CORIN: variants seen among roughly 807,000 people sequenced by gnomAD.
CORIN encodes the protein corin, serine peptidase.
Under a neutral mutation model 125.3 loss-of-function variants are expected in CORIN, and 117 were observed. That is an observed-to-expected ratio of 0.93 (90% CI 0.80 to 1.09). The LOEUF is 1.09. Ranked by LOEUF, CORIN falls within the 50% of genes least tolerant of loss-of-function variation. The pLI is 0.00. For missense variants in CORIN, 1,253 were observed against 1,306.7 expected, an observed-to-expected ratio of 0.96 and a Z score of 0.63; for synonymous variants, 450 against 466.4, an observed-to-expected ratio of 0.96 and a Z score of 0.45.
chr4:47,771,357 G>T (rs1191613497), intron 3 of CORIN, among the ~76,000 whole-genome samples: 1 of 152,160 alleles, frequency 6.6e-6, no homozygotes, highest in Non-Finnish European at 1.5e-5. Context: ...CGTGTACTTA[G>T]GAAGATCTGT....
chr4:47,629,438 C>A lies in CORIN; in HGVS notation c.2199-2917G>T, dbSNP rs1404908541. On this transcript the variant is annotated intron_variant, in intron 16 of 21. Coordinates refer to ENST00000273857, the MANE Select transcript of CORIN (RefSeq NM_006587.4). Reference sequence around the variant, plus strand: ...TTTAGTTCCTTATGTATTTTGGATACTAACCTCATTGGATATATGGTTTTT... The same window carrying A: ...TTTAGTTCCTTATGTATTTTGGATAATAACCTCATTGGATATATGGTTTTT... 2.0e-5 allele frequency among the ~76,000 whole-genome samples: 3 copies of A among 152,072 alleles called. No individual in the cohort carries two copies. The East Asian group carries it at 5.8e-4, about 29-fold the overall frequency.
chr4:47,622,210 T>C (rs1259752775), intron 19 of CORIN, among the ~76,000 whole-genome samples: 1 of 152,108 alleles, frequency 6.6e-6, no homozygotes, highest in Non-Finnish European at 1.5e-5. Flanking sequence ...TAGTATTCTA[T>C]GGTGTGTATG....
At position 47,825,857 on chromosome 4, in the gene CORIN, C is replaced by G. The variant is rs895957521; in HGVS notation, c.63+12030G>C. On this transcript the variant is annotated intron_variant, in intron 1 of 21. Coordinates refer to ENST00000273857, the MANE Select transcript of CORIN (RefSeq NM_006587.4). ...CTTACTAGATTACAGGTGCCCACCA[C>G]CATGTCTGGTCAATTTTTGTATTTT... 2.6e-5 allele frequency among the ~76,000 whole-genome samples: 4 copies of G among 152,014 alleles called. No individual in the cohort carries two copies. The South Asian group carries it at 6.3e-4, about 24-fold the overall frequency.
intron 1 of CORIN, among the ~76,000 whole-genome samples, chr4:47,822,485 T>A (rs568209001): frequency 6.6e-6 from 1 of 152,240 alleles, no homozygotes; most frequent in Admixed American, 6.5e-5. Context: ...TAATTTAGAA[T>A]CACAATTACA....
Position 47,674,504 on chromosome 4 carries a change from C to A in CORIN, c.1250-4G>T, listed in dbSNP as rs1159859171. 1.3e-6 allele frequency: 2 copies of A among 1,586,852 alleles called. No homozygotes were observed. The highest frequency in any genetic ancestry group is 3.3e-5 in the Admixed American group (2 of 59,982). On this transcript the variant is annotated splice_polypyrimidine_tract_variant and splice_region_variant and intron_variant, in intron 9 of 21. Coordinates refer to ENST00000273857, the MANE Select transcript of CORIN (RefSeq NM_006587.4). ...CCTTCTTGACATGAAGTCTGAACTA[C>A]AGAGGGAGGAAAAGGCACATTGGCT...
At chr4:47,707,850 T>A (rs960942828) in intron 5 of CORIN, among the ~76,000 whole-genome samples, 2 of 151,984 alleles carry the variant, frequency 1.3e-5, no homozygotes, top group African/African-American at 4.8e-5. Context: ...GGAGTAAGAG[T>A]GGAGGGAAGT....
chr4:47,723,003 AC>A lies in CORIN; in HGVS notation c.799+21398del, dbSNP rs754872785. 4.7e-4 allele frequency among the ~76,000 whole-genome samples: 72 copies of A among 152,310 alleles called. 1 individual carries two copies. The highest frequency in any genetic ancestry group is 1.2e-3 in the Admixed American group (18 of 15,310). On this transcript the variant is annotated intron_variant, in intron 5 of 21. Transcript: ENST00000273857. ...ATCATGGAACTGTGCAGCAGTCTTGACCAAGAGAAACTCTCTCCTTGGTCAG... is the reference window on the plus strand; with the variant it reads ...ATCATGGAACTGTGCAGCAGTCTTGACAAGAGAAACTCTCTCCTTGGTCAG...
At chr4:47,711,815 C>T (rs1726850842) in intron 5 of CORIN, among the ~76,000 whole-genome samples, 1 of 152,128 alleles carries the variant, frequency 6.6e-6, no homozygotes, top group African/African-American at 2.4e-5. Flanking sequence ...AGTAAGGTCC[C>T]TGGGAAGAAG....
At chr4:47,614,174 T>C (rs1721981358) in intron 19 of CORIN, among the ~76,000 whole-genome samples, 1 of 152,132 alleles carries the variant, frequency 6.6e-6, no homozygotes, top group African/African-American at 2.4e-5. Flanking sequence ...TGAAGCTTAC[T>C]TTACCCCCAA....
Position 47,626,493 on chromosome 4 carries a change from C to A in CORIN, c.2227G>T (p.Glu743Ter). Residue 743 changes from glutamate (E) to a stop codon, truncating the protein, a stop_gained, in exon 17 of 22, where the codon GAA (glutamate) becomes TAA (stop). Coordinates refer to ENST00000273857, the MANE Select transcript of CORIN (RefSeq NM_006587.4). LOFTEE classifies it high-confidence loss of function. The stretch of plus-strand genomic sequence containing the variant: ...AGCCACCGCGGCTCTTTCTCCTGTT[C>A]CTGTATCAATTTGGTCACAGATGGT... The part of the protein sequence containing the change: ...GEPSVTKLIQ[E>*]QEKEPRWLTL... The A allele has an allele frequency of 1.9e-6, 3 of 1,613,880 alleles. No individual in the cohort carries two copies. Among genetic ancestry groups the A allele is most frequent in the Non-Finnish European group, 2.5e-6 (3 of 1,179,810 alleles).
At chr4:47,693,469 C>A (rs186566021) in intron 5 of CORIN, among the ~76,000 whole-genome samples, 3 of 152,260 alleles carry the variant, frequency 2.0e-5, no homozygotes, top group Non-Finnish European at 4.4e-5. Context: ...ATTGAACCAA[C>A]ATTTAAAAAG....
chr4:47,835,890 G>T (rs1458961921), intron 1 of CORIN, among the ~76,000 whole-genome samples: 1 of 152,160 alleles, frequency 6.6e-6, no homozygotes, highest in Non-Finnish European at 1.5e-5. Context: ...GCTTGATAAG[G>T]TTAATAGAGC....
At chr4:47,642,931 C>T (rs1723293740) in intron 15 of CORIN, 1 of 1,528,992 alleles carries the variant, frequency 6.5e-7, no homozygotes, top group Non-Finnish European at 8.7e-7. Flanking sequence ...TTTTTCCATA[C>T]AATATAGATA....
chr4:47,595,692 C>T lies in CORIN; in HGVS notation c.*29G>A. On this transcript the variant is annotated 3_prime_UTR_variant, in exon 22 of 22. Transcript: ENST00000273857. ...AGAAGGCCATTTTCTTTTAGTGTAG[C>T]TGGCAAAAGTCTCTGATCATCCTTA... is the stretch of plus-strand genomic sequence containing the variant. 1 of 1,555,992 alleles carries T rather than the reference C, an allele frequency of 6.4e-7. No homozygotes were observed. The highest frequency in any genetic ancestry group is 8.7e-7 in the Non-Finnish European group (1 of 1,150,958).
chr4:47,804,739 G>GAA lies in CORIN; in HGVS notation c.208+2163_208+2164insTT, dbSNP rs1560557030. Among the ~76,000 whole-genome samples, 1,117 of 138,350 alleles carry GAA rather than the reference G, an allele frequency of 8.1e-3. 24 individuals carry two copies. The highest frequency in any genetic ancestry group is 0.028 in the African/African-American group (1,040 of 37,054). 90.8% of individuals were successfully genotyped at this position (138,350 alleles called of 152,430 possible). On this transcript the variant is annotated intron_variant, in intron 2 of 21. Coordinates refer to ENST00000273857, the MANE Select transcript of CORIN (RefSeq NM_006587.4). Reference sequence around the variant, plus strand: ...GGAAGGATGGTGGGGGGTGGGGAGGGGGGGGGTTGTTAATGGGTACAAAAA... The same window carrying GAA: ...GGAAGGATGGTGGGGGGTGGGGAGGGAAGGGGGGTTGTTAATGGGTACAAAAA...
At chr4:47,732,856 C>T (rs533733705) in intron 5 of CORIN, among the ~76,000 whole-genome samples, 2 of 152,274 alleles carry the variant, frequency 1.3e-5, no homozygotes, top group East Asian at 1.9e-4. Context: ...AGCCACCGCG[C>T]CTGGCCAGTA....
rs1553905480 is a variant in CORIN at position 47,628,461 on chromosome 4, T to TGTGC, written c.2199-1941_2199-1940insGCAC. 2.4e-4 allele frequency among the ~76,000 whole-genome samples: 36 copies of TGTGC among 151,474 alleles called. 3 individuals are homozygous for TGTGC. Among genetic ancestry groups the TGTGC allele is most frequent in the Admixed American group, 5.3e-4 (8 of 15,166 alleles). On this transcript the variant is annotated intron_variant, in intron 16 of 21. Coordinates refer to ENST00000273857, the MANE Select transcript of CORIN (RefSeq NM_006587.4). ...ACGTGTGTGTGTGTGTGTGTGTGTG[T>TGTGC]GTGTGTGTGTGTTAAGAACACTAAG...
chr4:47,791,442 C>T (rs1731074238), intron 2 of CORIN, among the ~76,000 whole-genome samples: 1 of 152,190 alleles, frequency 6.6e-6, no homozygotes, highest in Non-Finnish European at 1.5e-5. Flanking sequence ...TCTTTTTAAG[C>T]TACCAAGTTT....
intron 5 of CORIN, among the ~76,000 whole-genome samples, chr4:47,722,659 C>T (rs1727403790): frequency 6.6e-6 from 1 of 152,148 alleles, no homozygotes; most frequent in Non-Finnish European, 1.5e-5. Flanking sequence ...TCATTTCAGG[C>T]AACAAACTTA....
Sources: gnomAD v4.1 joint callset for allele counts (sites outside exome capture counted in the v4.1 genomes callset) on GRCh38, gnomAD v4.1.1 for gene constraint, MANE v1.5 for transcripts, NCBI Gene and HGNC (gene_info 2026-07-23, HGNC 2026-07-21) for gene names.